The following TYRO3 variants were observed in gnomAD, a reference collection of about 807,000 sequenced individuals.
The protein encoded by TYRO3 is tyrosine-protein kinase receptor TYRO3.
TYRO3 carries 38 observed loss-of-function variants against 95.2 expected under a neutral mutation model. That is an observed-to-expected ratio of 0.40 (90% CI 0.31 to 0.52). The LOEUF is 0.52. Among genes scored for constraint, TYRO3 ranks in the 20% least tolerant of loss-of-function variants. TYRO3 has a pLI of 0.56. For synonymous variants in TYRO3, 367 were observed against 432.9 expected, an observed-to-expected ratio of 0.85 and a Z score of 1.89; for missense variants, 812 against 1,116.4, an observed-to-expected ratio of 0.73 and a Z score of 3.89.
chr15:41,567,580 C>A, intron 7 of TYRO3, 43 bp downstream of exon 7: 2 of 1,402,580 alleles, frequency 1.4e-6, no homozygotes, highest in East Asian at 2.6e-5. Flanking sequence ...GGGCTGGAGC[C>A]GGGAAGGGGG....
chr15:41,563,114 T>C (rs2055678382), intron 4 of TYRO3, among the ~76,000 whole-genome samples: 1 of 151,570 alleles, frequency 6.6e-6, no homozygotes, highest in Non-Finnish European at 1.5e-5. Flanking sequence ...GACAAGACTC[T>C]CAGGCTGCAG....
chr15:41,566,199 A>G (rs1203842774), intron 6 of TYRO3, among the ~76,000 whole-genome samples: 1 of 151,916 alleles, frequency 6.6e-6, no homozygotes, highest in Non-Finnish European at 1.5e-5. Flanking sequence ...TGTACTTCTA[A>G]CTATTCAGGA....
intron 15 of TYRO3, 108 bp from the exon 16 acceptor site, chr15:41,572,894 C>T (rs1368843771): frequency 2.6e-6 from 2 of 756,320 alleles, no homozygotes; most frequent in Non-Finnish European, 2.1e-6. Flanking sequence ...TTCCTTCCTT[C>T]CAGTGATTCT....
chr15:41,575,842 C>T (rs529565181), intron 18 of TYRO3, among the ~76,000 whole-genome samples: 25 of 152,194 alleles, frequency 1.6e-4, no homozygotes, highest in East Asian at 5.8e-4. Flanking sequence ...TGGCAGGGGA[C>T]GGTGGCTCAC....
intron 4 of TYRO3, among the ~76,000 whole-genome samples, chr15:41,563,910 C>G (rs1482789973): frequency 6.6e-6 from 1 of 152,112 alleles, no homozygotes; most frequent in Admixed American, 6.5e-5. Context: ...GGTGGTATAA[C>G]GTTTCTCAAG....
chr15:41,577,647 C>T (rs1310743316), intron 18 of TYRO3: 2 of 362,454 alleles, frequency 5.5e-6, no homozygotes, highest in African/African-American at 4.2e-5. Flanking sequence ...TCTACCAAGC[C>T]TGGCTAATTT....
rs928965161 is a variant in TYRO3 at position 41,580,621 on chromosome 15, C to T, written c.*2345C>T. On this transcript the variant is annotated 3_prime_UTR_variant, in exon 19 of 19. Coordinates refer to ENST00000263798, the MANE Select transcript of TYRO3 (RefSeq NM_006293.4). ...GCAAATATTCAGCTGGGCACAGTGG[C>T]GTGTATTTTTTTTTTTTTTTGAGAC... is the stretch of plus-strand genomic sequence containing the variant. 6.0e-5 allele frequency: 9 copies of T among 149,564 alleles called. No individual in the cohort carries two copies. The East Asian group carries it at 1.6e-3, about 26-fold the overall frequency. The allele number at this position is 149,564 out of a possible 1,614,324, so 9.3% of individuals were successfully genotyped here.
chr15:41,570,957 C>G (rs1723790023), intron 12 of TYRO3, 81 bp from the exon 13 acceptor site: 1 of 1,464,808 alleles, frequency 6.8e-7, no homozygotes, highest in Non-Finnish European at 9.5e-7. Context: ...TGACTGTGTT[C>G]CCATGGAGGG....
chr15:41,574,708 C>A (rs1203933613), intron 18 of TYRO3: 1 of 455,284 alleles, frequency 2.2e-6, no homozygotes, highest in South Asian at 1.6e-5. Context: ...TTCAGACAAC[C>A]TTTTGTGAGT....
Position 41,578,066 on chromosome 15 carries a change from A to T in TYRO3, c.2463A>T (p.Leu821=). 1 of 1,614,064 alleles carries T rather than the reference A, an allele frequency of 6.2e-7. No individual in the cohort carries two copies. The highest frequency in any genetic ancestry group is 8.5e-7 in the Non-Finnish European group (1 of 1,180,014). The change falls in exon 19 of 19, where the codon CTA becomes CTT. Residue 821 remains leucine (L), a synonymous_variant. Transcript: ENST00000263798. ...EEPTAGGSLE[L]PGRDQPYSGA... ...CCACTGCGGGAGGCAGCCTGGAGCT[A>T]CCTGGCAGGGATCAGCCCTACAGTG...
At position 41,559,396 on chromosome 15, in the gene TYRO3, G is replaced by T. The variant is rs1292847940; in HGVS notation, c.124+15G>T. 8.7e-6 allele frequency: 2 copies of T among 230,890 alleles called. No individual in the cohort carries two copies. The highest frequency in any genetic ancestry group is 1.6e-4 in the South Asian group (1 of 6,384). 14.3% of individuals were successfully genotyped at this position (230,890 alleles called of 1,614,324 possible). The stretch of plus-strand genomic sequence containing the variant: ...CGCCGCCGCAGGTAGGGGCTGGCAC[G>T]GGAGGCGGCGGGAAGCGGGGGGCTG... On this transcript the variant is annotated intron_variant, in intron 1 of 18. Coordinates refer to ENST00000263798, the MANE Select transcript of TYRO3 (RefSeq NM_006293.4).
At chr15:41,562,495 A>G (rs1595499188) in intron 3 of TYRO3, 53 bp from the exon 4 acceptor site, 16 of 1,482,314 alleles carry the variant, frequency 1.1e-5, no homozygotes, top group African/African-American at 2.8e-5. Flanking sequence ...TGATTTGTAC[A>G]GTAGGAAGCC....
intron 14 of TYRO3, among the ~76,000 whole-genome samples, chr15:41,572,127 T>C (rs2055804387): frequency 6.6e-6 from 1 of 152,052 alleles, no homozygotes; most frequent in East Asian, 1.9e-4. Flanking sequence ...GCCCAGAACA[T>C]TGAGGCTGCA....
At chr15:41,563,769 G>C (rs928735208) in intron 4 of TYRO3, among the ~76,000 whole-genome samples, 1 of 152,208 alleles carries the variant, frequency 6.6e-6, no homozygotes, top group African/African-American at 2.4e-5. Flanking sequence ...GCAAGGCAGA[G>C]AGTCTGCAAA....
rs1003675450 is a variant in TYRO3 at position 41,581,699 on chromosome 15, G to T, written c.*3423G>T. 1.3e-5 allele frequency: 2 copies of T among 151,900 alleles called. No homozygotes were observed. The highest frequency in any genetic ancestry group is 2.4e-5 in the African/African-American group (1 of 41,288). The allele number at this position is 151,900 out of a possible 1,614,324, so 9.4% of individuals were successfully genotyped here. A position where few individuals can be genotyped will look rare whatever the true frequency, so the allele number is the denominator to read the frequency against. On this transcript the variant is annotated 3_prime_UTR_variant, in exon 19 of 19. Coordinates refer to ENST00000263798, the MANE Select transcript of TYRO3 (RefSeq NM_006293.4). ...AAAAACTAGCCAGGAGTGGTGGCAG[G>T]CACCTGTAATCCCAGCTACTTGGGA... is the stretch of plus-strand genomic sequence containing the variant.
intron 5 of TYRO3, 94 bp from the exon 6 acceptor site, chr15:41,564,932 G>C: frequency 1.2e-6 from 1 of 811,922 alleles, no homozygotes; most frequent in Non-Finnish European, 2.1e-6. Flanking sequence ...GGGATGCCCT[G>C]GACCCTCAGA....
At chr15:41,564,821 C>T (rs532534832) in intron 5 of TYRO3, 7 of 560,526 alleles carry the variant, frequency 1.2e-5, no homozygotes, top group South Asian at 4.1e-5. Flanking sequence ...CCTCTCTCCA[C>T]AGCCCAGGCA....
intron 13 of TYRO3, 129 bp from the exon 14 acceptor site, chr15:41,571,466 T>A: frequency 1.4e-6 from 1 of 694,062 alleles, no homozygotes; most frequent in Non-Finnish European, 2.6e-6. Context: ...TTTCTCCTGC[T>A]CATGGCTGGG....
intron 18 of TYRO3, among the ~76,000 whole-genome samples, 160 bp downstream of exon 18, chr15:41,573,975 A>G (rs2055833077): frequency 6.6e-6 from 1 of 151,074 alleles, no homozygotes; most frequent in Non-Finnish European, 1.5e-5. Context: ...TTCATCTACC[A>G]CCTCCCTGTT....
Sources: gnomAD v4.1 joint callset for allele counts (sites outside exome capture counted in the v4.1 genomes callset) on GRCh38, gnomAD v4.1.1 for gene constraint, MANE v1.5 for transcripts, NCBI Gene and HGNC (gene_info 2026-07-23, HGNC 2026-07-21) for gene names.